The following PHKA2 variants were observed in gnomAD, a reference collection of about 807,000 sequenced individuals.
PHKA2 encodes the protein phosphorylase b kinase regulatory subunit alpha, liver isoform.
In PHKA2, 31 loss-of-function variants were observed where a neutral mutation model predicts 102.0. That is an observed-to-expected ratio of 0.30 (90% confidence interval 0.23 to 0.41). PHKA2 has a LOEUF of 0.41. Among genes scored for constraint, PHKA2 ranks in the 10% least tolerant of loss-of-function variants. The pLI, the probability that PHKA2 is intolerant of heterozygous loss-of-function variation, is 1.00. For missense variants in PHKA2, 858 were observed against 1,023.1 expected (o/e 0.84, Z 2.20); for synonymous variants, 455 against 416.2 (o/e 1.09, Z -1.13).
chrX:18,929,016 T>A (rs759334005), intron 13 of PHKA2, among the ~76,000 whole-genome samples: 2 of 112,722 alleles, frequency 1.8e-5, no homozygotes, highest in Non-Finnish European at 3.7e-5. Flanking sequence ...AAGACAACAA[T>A]TGCTTTGTAG....
At chrX:18,972,805 ATC>A (rs1293777682) in intron 1 of PHKA2, among the ~76,000 whole-genome samples, 2 of 111,583 alleles carry the variant, frequency 1.8e-5, no homozygotes, top group Non-Finnish European at 3.8e-5. Flanking sequence ...GCAAATAATA[ATC>A]TCCATGACTC....
At chrX:18,925,644 T>C in intron 15 of PHKA2, 24 bp downstream of exon 15, 2 of 882,420 alleles carry the variant, frequency 2.3e-6, no homozygotes, top group East Asian at 6.2e-5. Context: ...AAAAAAAAGA[T>C]GCTCGTTGGC....
chrX:18,925,871 T>C, intron 14 of PHKA2, 94 bp from the exon 15 acceptor site: 1 of 603,327 alleles, frequency 1.7e-6, no homozygotes, highest in South Asian at 2.3e-5. Context: ...TATTTCTAGA[T>C]TAGACAACCC....
At chrX:18,916,701 C>T (rs1483901273) in intron 19 of PHKA2, among the ~76,000 whole-genome samples, 2 of 111,343 alleles carry the variant, frequency 1.8e-5, no homozygotes, top group Admixed American at 1.9e-4. Context: ...TGTCTGCTCC[C>T]CTTTTGTCTT....
rs757549996 is a variant in PHKA2, at chrX:18,929,330, C to G, written c.1246-24G>C. The G allele has an allele frequency of 1.1e-5, 11 of 1,001,084 alleles. No individual in the cohort carries two copies. In the East Asian group the frequency reaches 3.6e-4, roughly 33 times the overall value. 82.5% of individuals were successfully genotyped at this position (1,001,084 alleles called of 1,213,427 possible). ...CCCTATGAAAAGAGGAGCATTAACA[C>G]TATGAAATATTGATTAACTAAAATT... On this transcript the variant is annotated intron_variant, in intron 12 of 32. Transcript: ENST00000379942.
rs922390647 is a variant in PHKA2, at chrX:18,893,153, C to T, written c.*332G>A. 1.9e-5 allele frequency: 6 copies of T among 309,428 alleles called. No homozygotes were observed. Among genetic ancestry groups the T allele is most frequent in the African/African-American group, 5.3e-5 (2 of 37,428 alleles). The allele number at this position is 309,428 out of a possible 1,213,427, so 25.5% of individuals were successfully genotyped here. A position where few individuals can be genotyped will look rare whatever the true frequency, so the allele number is the denominator to read the frequency against. The stretch of plus-strand genomic sequence containing the variant: ...CTCTGCAAGAGCCAATTTAAGCTGG[C>T]GTCTCAGTTCCCTCTGCACTCAAAA... On this transcript the variant is annotated 3_prime_UTR_variant, in exon 33 of 33. Coordinates refer to ENST00000379942, the MANE Select transcript of PHKA2 (RefSeq NM_000292.3).
chrX:18,906,777 C>T lies in PHKA2; in HGVS notation c.2635G>A (p.Glu879Lys), dbSNP rs761309363. The stretch of plus-strand genomic sequence containing the variant: ...ATGCTGATGTCCTGCCCACTGGCCT[C>T]GTAGATGAGTTTTGTGAGCTCCTCT... ...PPEELTKLIYEASGQDISIAV... is the reference protein window; with the variant it reads ...PPEELTKLIYKASGQDISIAV... The change falls in exon 24 of 33, where the codon GAG becomes AAG. Residue 879 changes from glutamate (E) to lysine (K), a missense_variant. Glu to Lys is a moderately conservative substitution (Grantham distance 56). Transcript: ENST00000379942. 9 of 1,209,965 alleles carry T rather than the reference C, an allele frequency of 7.4e-6. No homozygotes were observed. The highest frequency in any genetic ancestry group is 1.8e-5 in the South Asian group (1 of 56,831).
At chrX:18,893,690 G>T in intron 32 of PHKA2, 35 bp from the exon 33 acceptor site, 1 of 1,158,360 alleles carries the variant, frequency 8.6e-7, no homozygotes. Context: ...ACAATAAGCG[G>T]AGCCCCCACT....
chrX:18,907,140 G>C, intron 22 of PHKA2, 43 bp from the exon 23 acceptor site: 5 of 979,799 alleles, frequency 5.1e-6, no homozygotes, highest in Non-Finnish European at 7.1e-6. Flanking sequence ...GCGCGAGAGA[G>C]ATACTGGCAA....
chrX:18,946,311 G>T (rs2048578339), intron 5 of PHKA2, among the ~76,000 whole-genome samples: 2 of 111,179 alleles, frequency 1.8e-5, no homozygotes, highest in African/African-American at 6.5e-5. Flanking sequence ...CTGAGCCTGG[G>T]CTTCTTCCCT....
intron 1 of PHKA2, among the ~76,000 whole-genome samples, chrX:18,979,538 T>A (rs1235936195): frequency 1.8e-5 from 2 of 112,035 alleles, no homozygotes; most frequent in Non-Finnish European, 3.8e-5. Context: ...ATTTCTTACC[T>A]GAGCCAAAAC....
In PHKA2 at chrX:18,967,067, G is replaced by T. The variant is rs780602431; in HGVS notation, c.79-12655C>A. 4.5e-5 allele frequency among the ~76,000 whole-genome samples: 5 copies of T among 111,155 alleles called. No individual in the cohort carries two copies. The East Asian group carries it at 8.5e-4, about 19-fold the overall frequency. On this transcript the variant is annotated intron_variant, in intron 1 of 32. Coordinates refer to ENST00000379942, the MANE Select transcript of PHKA2 (RefSeq NM_000292.3). ...ATAGGTGGGAGAGGGGAAAAAAGGG[G>T]CCAAAAAGACTCCTAGGCTGCCGAC...
intron 1 of PHKA2, among the ~76,000 whole-genome samples, chrX:18,976,097 C>T (rs2049086566): frequency 9.4e-6 from 1 of 106,613 alleles, no homozygotes; most frequent in Non-Finnish European, 1.9e-5. Flanking sequence ...GCCTCAGCCT[C>T]CCGAGTAGCT....
At chrX:18,959,557 G>T (rs191847702) in intron 1 of PHKA2, among the ~76,000 whole-genome samples, 1 of 111,511 alleles carries the variant, frequency 9.0e-6, no homozygotes, top group East Asian at 2.8e-4. Flanking sequence ...TCCACACCCA[G>T]GTCTTGCCTT....
chrX:18,913,867 T>C (rs2047972993), intron 19 of PHKA2, among the ~76,000 whole-genome samples: 1 of 112,186 alleles, frequency 8.9e-6, no homozygotes, highest in Non-Finnish European at 1.9e-5. Flanking sequence ...CTTGTCCCAC[T>C]GGAAGGTCTT....
intron 31 of PHKA2, 147 bp downstream of exon 31, chrX:18,894,989 TGA>T: frequency 1.7e-6 from 1 of 581,416 alleles, no homozygotes; most frequent in Admixed American, 2.5e-5. Context: ...TTGCCAAATA[TGA>T]GGGTGAAGGG....
At chrX:18,931,986 C>G (rs905298772) in intron 11 of PHKA2, among the ~76,000 whole-genome samples, 1 of 112,269 alleles carries the variant, frequency 8.9e-6, no homozygotes, top group Non-Finnish European at 1.9e-5. Flanking sequence ...TACAGGCACA[C>G]GCAAGGCCAC....
chrX:18,929,078 T>C, intron 13 of PHKA2, 150 bp downstream of exon 13: 1 of 469,463 alleles, frequency 2.1e-6, no homozygotes, highest in Non-Finnish European at 3.8e-6. Flanking sequence ...AGCCACTGAG[T>C]TATATAAGGC....
intron 28 of PHKA2, among the ~76,000 whole-genome samples, chrX:18,899,953 T>C (rs2047647895): frequency 9.0e-6 from 1 of 111,392 alleles, no homozygotes; most frequent in South Asian, 3.8e-4. Context: ...CAGCATGAAA[T>C]AGAGGCGGAA....
Sources: gnomAD v4.1 joint callset for allele counts (sites outside exome capture counted in the v4.1 genomes callset) on GRCh38, gnomAD v4.1.1 for gene constraint, MANE v1.5 for transcripts, NCBI Gene and HGNC (gene_info 2026-07-23, HGNC 2026-07-21) for gene names.